Variants in PDCD10 observed in about 807,000 individuals in gnomAD.
PDCD10 encodes programmed cell death 10, also known as programmed cell death protein 10.
PDCD10 carries 4 observed loss-of-function variants against 29.2 expected under a neutral mutation model. That is an observed-to-expected ratio of 0.14 (90% CI 0.07 to 0.31). The LOEUF is 0.31. PDCD10 is among the 10% of genes least tolerant of loss of function. PDCD10 has a pLI of 1.00. For missense variants in PDCD10, 183 were observed against 257.9 expected (o/e 0.71, Z 1.99); for synonymous variants, 70 against 82.2 (o/e 0.85, Z 0.80).
At chr3:167,711,890 T>G (rs1722558299) in intron 3 of PDCD10, among the ~76,000 whole-genome samples, 1 of 151,904 alleles carries the variant, frequency 6.6e-6, no homozygotes, top group African/African-American at 2.4e-5. Context: ...AGGAAGAAAT[T>G]TTTATCCTAG....
intron 2 of PDCD10, among the ~76,000 whole-genome samples, chr3:167,731,823 T>G (rs914668198): frequency 1.3e-5 from 2 of 152,142 alleles, no homozygotes; most frequent in Non-Finnish European, 2.9e-5. Context: ...CTATTCTGAT[T>G]TTGGGAAGGC....
chr3:167,724,081 C>T (rs1723853195), intron 2 of PDCD10, among the ~76,000 whole-genome samples: 1 of 152,126 alleles, frequency 6.6e-6, no homozygotes, highest in African/African-American at 2.4e-5. Context: ...TTTAAAGAGC[C>T]ACACATGGGT....
chr3:167,712,165 A>C (rs1722585092), intron 3 of PDCD10, among the ~76,000 whole-genome samples: 1 of 152,164 alleles, frequency 6.6e-6, no homozygotes, highest in African/African-American at 2.4e-5. Flanking sequence ...AGAAAGACTA[A>C]TGATGAATCA....
intron 3 of PDCD10, among the ~76,000 whole-genome samples, chr3:167,711,964 A>C (rs754990842): frequency 2.6e-5 from 4 of 152,158 alleles, no homozygotes; most frequent in Non-Finnish European, 5.9e-5. Context: ...AACAAATGAA[A>C]GCTGAAAGAT....
chr3:167,713,396 A>G (rs576997630), intron 3 of PDCD10, among the ~76,000 whole-genome samples: 8 of 152,000 alleles, frequency 5.3e-5, no homozygotes, highest in Admixed American at 1.3e-4. Flanking sequence ...AGTAACAGAA[A>G]CACAACATAC....
chr3:167,717,683 C>A (rs1431550270), intron 3 of PDCD10, among the ~76,000 whole-genome samples: 4 of 151,916 alleles, frequency 2.6e-5, no homozygotes, highest in Admixed American at 6.6e-5. Flanking sequence ...TTATTTTACT[C>A]CACTCCCAAT....
At chr3:167,693,719 G>C (rs531154850) in intron 6 of PDCD10, among the ~76,000 whole-genome samples, 1 of 152,152 alleles carries the variant, frequency 6.6e-6, no homozygotes, top group Admixed American at 6.5e-5. Context: ...AAGGCAGGAG[G>C]ATCACTTGAG....
At chr3:167,709,147 G>GA (rs376090549) in intron 3 of PDCD10, among the ~76,000 whole-genome samples, 3,516 of 146,644 alleles carry the variant, frequency 0.024, 62 homozygotes, top group Middle Eastern at 0.045. Context: ...ATCTTAACAT[G>GA]AAAAAAAAAA....
intron 4 of PDCD10, among the ~76,000 whole-genome samples, chr3:167,700,738 G>C (rs1721320064): frequency 6.6e-6 from 1 of 152,212 alleles, no homozygotes; most frequent in Admixed American, 6.5e-5. Flanking sequence ...GCCAAGGATA[G>C]TTTGATAATT....
intron 3 of PDCD10, among the ~76,000 whole-genome samples, chr3:167,713,840 A>G (rs1243940559): frequency 1.3e-5 from 2 of 152,012 alleles, no homozygotes; most frequent in African/African-American, 4.8e-5. Context: ...CCACTTATCA[A>G]GACTGAATCA....
chr3:167,702,782 A>C (rs1721578669), intron 4 of PDCD10, among the ~76,000 whole-genome samples: 1 of 152,208 alleles, frequency 6.6e-6, no homozygotes, highest in Non-Finnish European at 1.5e-5. Flanking sequence ...AATTTAAAAA[A>C]TACAAGCATC....
intron 4 of PDCD10, chr3:167,704,606 C>A: frequency 2.4e-6 from 1 of 417,902 alleles, no homozygotes; most frequent in South Asian, 3.3e-5. Flanking sequence ...GGAGAGAACA[C>A]TCTGAAAAAC....
At chr3:167,731,123 A>G (rs758481586) in intron 2 of PDCD10, 5 of 152,170 alleles carry the variant, frequency 3.3e-5, no homozygotes, top group Non-Finnish European at 7.4e-5. Flanking sequence ...TTAATAAGTA[A>G]ATTTACTTAT....
Position 167,722,986 on chromosome 3 carries a change from T to C in PDCD10, c.-116-2713A>G, listed in dbSNP as rs144372439. The stretch of plus-strand genomic sequence containing the variant: ...TATTTTGGCAACATCATGGGCTACA[T>C]AAGTGGCTGGCCTATGGCATACATG... On this transcript the variant is annotated intron_variant, in intron 2 of 8. Coordinates refer to ENST00000392750, the MANE Select transcript of PDCD10 (RefSeq NM_007217.4). Among the ~76,000 whole-genome samples the C allele has an allele frequency of 1.8e-3, 271 of 152,332 alleles. 1 individual carries two copies. The highest frequency in any genetic ancestry group is 6.1e-3 in the African/African-American group (255 of 41,588).
intron 4 of PDCD10, among the ~76,000 whole-genome samples, chr3:167,699,117 T>C (rs1252258559): frequency 3.3e-5 from 5 of 152,254 alleles, no homozygotes; most frequent in Non-Finnish European, 7.3e-5. Context: ...CTGGGATGTG[T>C]GTGCCTACTG....
chr3:167,727,608 T>C (rs1037955183), intron 2 of PDCD10, among the ~76,000 whole-genome samples: 2 of 152,228 alleles, frequency 1.3e-5, no homozygotes, highest in African/African-American at 4.8e-5. Flanking sequence ...TCCAATACGA[T>C]GTTAATTAAA....
chr3:167,703,457 A>G (rs1171582686), intron 4 of PDCD10, among the ~76,000 whole-genome samples: 1 of 152,120 alleles, frequency 6.6e-6, no homozygotes, highest in African/African-American at 2.4e-5. Flanking sequence ...ACCTAGTGAC[A>G]TGACTTGTGC....
At chr3:167,706,343 TG>T (rs1169601563) in intron 3 of PDCD10, among the ~76,000 whole-genome samples, 1 of 152,190 alleles carries the variant, frequency 6.6e-6, no homozygotes, top group East Asian at 1.9e-4. Flanking sequence ...CGCTTAATGA[TG>T]GGGATGGATA....
At chr3:167,732,286 A>T (rs1724899558) in intron 2 of PDCD10, among the ~76,000 whole-genome samples, 1 of 152,184 alleles carries the variant, frequency 6.6e-6, no homozygotes, top group Non-Finnish European at 1.5e-5. Context: ...AGACTACAAT[A>T]ATAAACAGCC....
Sources: gnomAD v4.1 joint callset for allele counts (sites outside exome capture counted in the v4.1 genomes callset) on GRCh38, gnomAD v4.1.1 for gene constraint, MANE v1.5 for transcripts, NCBI Gene and HGNC (gene_info 2026-07-23, HGNC 2026-07-21) for gene names.